MAGI3: variants seen among roughly 807,000 people sequenced by gnomAD.
MAGI3 encodes the protein membrane associated guanylate kinase, WW and PDZ domain containing 3.
A neutral mutation model predicts 121.8 loss-of-function variants in MAGI3; 43 were observed. The ratio of observed to expected loss-of-function variants is 0.35; its 90% CI spans 0.28 to 0.46. MAGI3 has a LOEUF of 0.46. MAGI3 is among the 20% of genes least tolerant of loss of function. MAGI3 has a pLI of 1.00. For synonymous variants in MAGI3, 553 were observed against 639.3 expected, an observed-to-expected ratio of 0.86 and a Z score of 2.04; for missense variants, 1,547 against 1,797.3, an observed-to-expected ratio of 0.86 and a Z score of 2.52.
chr1:113,574,287 G>A (rs1193089845), intron 2 of MAGI3, among the ~76,000 whole-genome samples: 1 of 152,070 alleles, frequency 6.6e-6, no homozygotes, highest in Non-Finnish European at 1.5e-5. Flanking sequence ...TCTTCATAGG[G>A]TTGTTGGTCT....
At chr1:113,624,374 T>G (rs1223393464) in intron 9 of MAGI3, among the ~76,000 whole-genome samples, 1 of 152,208 alleles carries the variant, frequency 6.6e-6, no homozygotes, top group African/African-American at 2.4e-5. Context: ...CATTTGTTAT[T>G]GCCTGTCTTT....
intron 1 of MAGI3, among the ~76,000 whole-genome samples, chr1:113,399,435 A>G (rs1201375851): frequency 6.6e-6 from 1 of 152,134 alleles, no homozygotes; most frequent in Non-Finnish European, 1.5e-5. Flanking sequence ...AATCAATACT[A>G]CAGGAAATGA....
intron 20 of MAGI3, chr1:113,682,116 T>C (rs973210795): frequency 5.1e-6 from 7 of 1,379,284 alleles, no homozygotes; most frequent in Non-Finnish European, 5.9e-6. Context: ...CACCATCTGC[T>C]TGTAAATCAT....
intron 1 of MAGI3, among the ~76,000 whole-genome samples, chr1:113,462,512 A>C (rs994027988): frequency 6.6e-6 from 1 of 152,202 alleles, no homozygotes; most frequent in African/African-American, 2.4e-5. Flanking sequence ...AAATGATAAG[A>C]ACCTACAAAC....
chr1:113,668,121 AT>A (rs1647273721), intron 16 of MAGI3, among the ~76,000 whole-genome samples: 1 of 152,220 alleles, frequency 6.6e-6, no homozygotes, highest in African/African-American at 2.4e-5. Context: ...AAAGTTAGAA[AT>A]TTTGGAAGAA....
chr1:113,432,793 AC>A (rs1653371826), intron 1 of MAGI3, among the ~76,000 whole-genome samples: 1 of 152,174 alleles, frequency 6.6e-6, no homozygotes, highest in East Asian at 1.9e-4. Context: ...ACAGAATTGT[AC>A]CCTGTAACCA....
At chr1:113,625,191 C>T (rs1165079704) in intron 9 of MAGI3, among the ~76,000 whole-genome samples, 2 of 152,018 alleles carry the variant, frequency 1.3e-5, no homozygotes, top group Admixed American at 1.3e-4. Flanking sequence ...TTTTGTGGTT[C>T]CATATAAATT....
At chr1:113,530,843 G>T (rs1391718940) in intron 1 of MAGI3, among the ~76,000 whole-genome samples, 1 of 151,942 alleles carries the variant, frequency 6.6e-6, no homozygotes, top group Non-Finnish European at 1.5e-5. Context: ...TTGAGCCTAG[G>T]GGGTCGAGGC....
chr1:113,628,953 T>A (rs1651420454), intron 9 of MAGI3, among the ~76,000 whole-genome samples: 1 of 152,172 alleles, frequency 6.6e-6, no homozygotes. Context: ...AATATTGGTA[T>A]CTTTCTCTAG....
intron 9 of MAGI3, among the ~76,000 whole-genome samples, chr1:113,623,443 T>TACACAC (rs1187612165): frequency 1.1e-3 from 68 of 62,950 alleles, no homozygotes; most frequent in Non-Finnish European, 1.6e-3. Context: ...CACATATATA[T>TACACAC]ACACACACAT....
chr1:113,527,821 C>G (rs543148009), intron 1 of MAGI3, among the ~76,000 whole-genome samples: 1 of 152,100 alleles, frequency 6.6e-6, no homozygotes, highest in African/African-American at 2.4e-5. Flanking sequence ...GTACCTATTG[C>G]TAGAATTAGT....
chr1:113,651,195 T>C lies in MAGI3; in HGVS notation c.2429T>C (p.Ile810Thr). The change falls in exon 14 of 21, where the codon ATC (isoleucine) becomes ACC (threonine). Residue 810 changes from isoleucine to threonine, a missense_variant. By Grantham distance (89) the Ile-to-Thr change is moderately conservative. Transcript: ENST00000307546. ...GHVLLTVRRK[I>T]FYGEKQPEDD... The stretch of plus-strand genomic sequence containing the variant: ...GTGTTACTAACTGTCAGACGGAAGA[T>C]CTTCTATGGAGGTGTGTGAACTTGT... 6.2e-7 allele frequency: 1 copy of C among 1,611,320 alleles called. No homozygotes were observed. The highest frequency in any genetic ancestry group is 8.5e-7 in the Non-Finnish European group (1 of 1,179,260).
intron 8 of MAGI3, among the ~76,000 whole-genome samples, chr1:113,620,999 T>G (rs562064775): frequency 6.6e-6 from 1 of 152,312 alleles, no homozygotes; most frequent in South Asian, 2.1e-4. Flanking sequence ...ATGTACAAGT[T>G]ACAGTGGTGG....
chr1:113,601,279 C>T (rs1374547249), intron 6 of MAGI3, among the ~76,000 whole-genome samples: 1 of 152,150 alleles, frequency 6.6e-6, no homozygotes, highest in Admixed American at 6.5e-5. Context: ...TCAGAGTGAA[C>T]AGGCAGCCTA....
intron 16 of MAGI3, among the ~76,000 whole-genome samples, chr1:113,660,824 G>A (rs908561391): frequency 2.2e-5 from 3 of 139,502 alleles, no homozygotes; most frequent in African/African-American, 8.4e-5. Flanking sequence ...GTCTGGTCTC[G>A]AACTCCTGGG....
At chr1:113,603,126 G>A (rs1221475247) in intron 6 of MAGI3, among the ~76,000 whole-genome samples, 1 of 147,010 alleles carries the variant, frequency 6.8e-6, no homozygotes, top group Non-Finnish European at 1.5e-5. Flanking sequence ...AAATGAAATG[G>A]AAATGAAAAT....
chr1:113,632,906 T>G (rs980903959), intron 9 of MAGI3, among the ~76,000 whole-genome samples: 2 of 152,058 alleles, frequency 1.3e-5, no homozygotes, highest in East Asian at 3.9e-4. Context: ...TTAGTTTTTT[T>G]TTTATTATTA....
At chr1:113,450,456 G>T in intron 1 of MAGI3, 1 of 1,109,882 alleles carries the variant, frequency 9.0e-7, no homozygotes, top group African/African-American at 1.5e-5. Flanking sequence ...AGTAGAGGGG[G>T]CTATGGTGGT....
At chr1:113,419,213 A>T (rs181891604) in intron 1 of MAGI3, among the ~76,000 whole-genome samples, 4 of 152,138 alleles carry the variant, frequency 2.6e-5, no homozygotes, top group African/African-American at 9.7e-5. Context: ...CAATATCCAC[A>T]TTAGCTTTAT....
Sources: gnomAD v4.1 joint callset for allele counts (sites outside exome capture counted in the v4.1 genomes callset) on GRCh38, gnomAD v4.1.1 for gene constraint, MANE v1.5 for transcripts, NCBI Gene and HGNC (gene_info 2026-07-23, HGNC 2026-07-21) for gene names.